The following DNAH10 variants were observed in gnomAD, a reference collection of about 807,000 sequenced individuals.
DNAH10 encodes axonemal beta dynein heavy chain 10.
DNAH10 carries 348 observed loss-of-function variants against 506.6 expected under a neutral mutation model. That is an observed-to-expected ratio of 0.69 (90% CI 0.63 to 0.75). The LOEUF is 0.75. DNAH10 is among the 30% of genes least tolerant of loss of function. The probability of loss-of-function intolerance (pLI) is 0.00; values close to 1 mark genes in which losing one functional copy is unlikely to be tolerated. For missense variants in DNAH10, 5,179 were observed against 5,787.1 expected, an observed-to-expected ratio of 0.89 and a Z score of 3.41; for synonymous variants, 2,059 against 2,198.6, an observed-to-expected ratio of 0.94 and a Z score of 1.78.
chr12:123,800,091 C>G (rs1958426452), intron 14 of DNAH10, 125 bp from the exon 15 acceptor site: 1 of 819,400 alleles, frequency 1.2e-6, no homozygotes. Context: ...CAGTTCCAGC[C>G]AGCACCCCCG....
Position 123,879,772 on chromosome 12 carries a change from G to A in DNAH10, c.8605G>A (p.Asp2869Asn). ...GEPRIYEDIQ[D>N]YEAAKALFQE... ...ACCACGCATTTATGAAGACATCCAG[G>A]ACTACGAGGCGGCCAAGGCTCTGTT... The change falls in exon 50 of 79, where the codon GAC becomes AAC. Residue 2869 changes from aspartate to asparagine, a missense_variant. Transcript: ENST00000673944. 1 of 1,614,020 alleles carries A rather than the reference G, an allele frequency of 6.2e-7. No homozygotes were observed. The highest frequency in any genetic ancestry group is 8.5e-7 in the Non-Finnish European group (1 of 1,179,888).
At position 123,868,107 on chromosome 12, in the gene DNAH10, G is replaced by T; in HGVS notation, c.7507G>T (p.Gly2503Trp). ...CACAGAAGGAGTTTGGGCCAACCCT[G>T]GGGAACTGCCAGGTGGGAACCGAGT... ...VDTEGVWANPGELPGQLPTLY... is the reference protein window; with the variant it reads ...VDTEGVWANPWELPGQLPTLY... The change falls in exon 43 of 79, where the codon GGG (glycine) becomes TGG (tryptophan). Residue 2503 changes from glycine to tryptophan, a missense_variant. Around this residue, in one of 3 missense-constraint regions of DNAH10, gnomAD observed 4,844 missense variants for 5,430.5 expected, o/e 0.89. Transcript: ENST00000673944. The T allele has an allele frequency of 6.2e-7, 1 of 1,612,894 alleles. No individual in the cohort carries two copies.
Position 123,926,544 on chromosome 12 carries a change from G to A in DNAH10, c.11922-93G>A, listed in dbSNP as rs1429610925. ...CCAGAGGAGTGGTCAGAAGGTTCTG[G>A]ACACCGGAGGAGGCAGCGCTGATCA... On this transcript the variant is annotated intron_variant, in intron 68 of 78. Transcript: ENST00000673944. This position sits in a 1 kb window ranked among gnomAD's most constrained non-coding sequence, Gnocchi z 4.1. The A allele has an allele frequency of 2.9e-6, 4 of 1,369,342 alleles. No homozygotes were observed. The highest frequency in any genetic ancestry group is 4.0e-6 in the Non-Finnish European group (4 of 1,008,592). 84.8% of individuals were successfully genotyped at this position (1,369,342 alleles called of 1,614,324 possible). A position where few individuals can be genotyped will look rare whatever the true frequency, so the allele number is the denominator to read the frequency against.
In DNAH10 at chr12:123,935,491, GA is replaced by G; in HGVS notation, c.*12del. 1 of 1,572,734 alleles carries G rather than the reference GA, an allele frequency of 6.4e-7. No homozygotes were observed. The highest frequency in any genetic ancestry group is 2.3e-5 in the East Asian group (1 of 43,888). Reference sequence around the variant, plus strand: ...CCTGAATTCTGATTAACCTTTGGGTGAAGAAAACTGCTTAATGAATTCGGAG... The same window carrying G: ...CCTGAATTCTGATTAACCTTTGGGTGAGAAAACTGCTTAATGAATTCGGAG... On this transcript the variant is annotated 3_prime_UTR_variant, in exon 79 of 79. Transcript: ENST00000673944.
At chr12:123,786,995 C>T (rs867046013) in intron 9 of DNAH10, among the ~76,000 whole-genome samples, 14 of 151,960 alleles carry the variant, frequency 9.2e-5, no homozygotes, top group African/African-American at 9.7e-5. Context: ...CAGAATTAGC[C>T]GGGTGTGGTG....
At position 123,783,995 on chromosome 12, in the gene DNAH10, A is replaced by G. The variant is rs1407596884; in HGVS notation, c.1048A>G (p.Thr350Ala). 1 of 1,614,212 alleles carries G rather than the reference A, an allele frequency of 6.2e-7. No individual in the cohort carries two copies. The highest frequency in any genetic ancestry group is 1.1e-5 in the South Asian group (1 of 91,088). ...TGAATTCTGGAGGGAAAGAAATGCAACCTTAAGTGCGCTGCATGAACAAAC... is the reference window on the plus strand; with the variant it reads ...TGAATTCTGGAGGGAAAGAAATGCAGCCTTAAGTGCGCTGCATGAACAAAC... ...EIEFWRERNA[T>A]LSALHEQTKL... The change falls in exon 8 of 79, where the codon ACC becomes GCC. Residue 350 changes from threonine (T) to alanine (A), a missense_variant. Physicochemically the swap from Thr to Ala is moderately conservative, Grantham distance 58 (BLOSUM62 0). This residue lies in a region of DNAH10 where 4,844 missense variants were observed against 5,430.5 expected (regional missense o/e 0.89). Transcript: ENST00000673944.
Position 123,909,899 on chromosome 12 carries a change from C to T in DNAH10, c.9997+457C>T, listed in dbSNP as rs1172150105. 6.6e-6 allele frequency among the ~76,000 whole-genome samples: 1 copy of T among 152,132 alleles called. No homozygotes were observed. Among genetic ancestry groups the T allele is most frequent in the Non-Finnish European group, 1.5e-5 (1 of 68,022 alleles). ...TGGGGGTGGGCAGCATCACTGATGG[C>T]CAGCCTCTCCTCCATCTTTGGTTAT... On this transcript the variant is annotated intron_variant, in intron 58 of 78. Coordinates refer to ENST00000673944, the MANE Select transcript of DNAH10 (RefSeq NM_001372106.1). This position sits in a 1 kb window ranked among gnomAD's most constrained non-coding sequence, Gnocchi z 5.4.
chr12:123,861,271 G>C, intron 39 of DNAH10, 101 bp downstream of exon 39: 1 of 1,397,708 alleles, frequency 7.2e-7, no homozygotes, highest in Non-Finnish European at 9.6e-7. Flanking sequence ...TTCATGCTTG[G>C]ATTTCAACAG....
intron 25 of DNAH10, 106 bp from the exon 26 acceptor site, chr12:123,830,440 A>G: frequency 7.9e-7 from 1 of 1,270,820 alleles, no homozygotes; most frequent in Non-Finnish European, 1.1e-6. Flanking sequence ...GAATTTCATT[A>G]TAAGAAGTTT....
intron 54 of DNAH10, among the ~76,000 whole-genome samples, chr12:123,896,610 G>A (rs1479524393): frequency 6.6e-6 from 1 of 151,674 alleles, no homozygotes; most frequent in Non-Finnish European, 1.5e-5. Context: ...CGTGGTGATC[G>A]CTTCTGAAAA....
Position 123,917,475 on chromosome 12 carries a change from TG to T in DNAH10, c.11003-107del. 1 of 1,139,358 alleles carries T rather than the reference TG, an allele frequency of 8.8e-7. No individual in the cohort carries two copies. Among genetic ancestry groups the T allele is most frequent in the Non-Finnish European group, 1.2e-6 (1 of 804,882 alleles). The allele number at this position is 1,139,358 out of a possible 1,614,324, so 70.6% of individuals were successfully genotyped here. ...GGTGGGCAGTGAATCCTCGTGCCTC[TG>T]GCCTGCTGGCTGAGACCCGCGCTAA... is the stretch of plus-strand genomic sequence containing the variant. On this transcript the variant is annotated intron_variant, in intron 63 of 78. Transcript: ENST00000673944. The surrounding 1 kb of genome is among the most constrained non-coding windows in gnomAD (Gnocchi z 5.6).
At chr12:123,881,350 G>A (rs942837058) in intron 50 of DNAH10, among the ~76,000 whole-genome samples, 2 of 152,146 alleles carry the variant, frequency 1.3e-5, no homozygotes, top group Non-Finnish European at 1.5e-5. Flanking sequence ...ATTCTAAGTG[G>A]TGTGAGATGG....
intron 41 of DNAH10, 50 bp from the exon 42 acceptor site, chr12:123,867,417 A>AT: frequency 6.4e-7 from 1 of 1,571,614 alleles, no homozygotes; most frequent in Non-Finnish European, 8.6e-7. Flanking sequence ...ACTAACTTCC[A>AT]TTTAAATAAA....
At position 123,929,395 on chromosome 12, in the gene DNAH10, G is replaced by A. The variant is rs1268151325; in HGVS notation, c.12427G>A (p.Ala4143Thr). 1.1e-5 allele frequency: 18 copies of A among 1,613,536 alleles called. No homozygotes were observed. The highest frequency in any genetic ancestry group is 1.3e-5 in the African/African-American group (1 of 75,042). Residue 4143 changes from alanine (A) to threonine (T), a missense_variant, in exon 71 of 79, where the codon GCG becomes ACG. By Grantham distance (58) the Ala-to-Thr change is moderately conservative. Around this residue, in one of 3 missense-constraint regions of DNAH10, gnomAD observed 4,844 missense variants for 5,430.5 expected, o/e 0.89. Coordinates refer to ENST00000673944, the MANE Select transcript of DNAH10 (RefSeq NM_001372106.1). ...CTTCAAGCCGCTGGTCTACGTGCTGGCGTTCTTTCATGCTGTGGTGCAGGA... is the reference window on the plus strand; with the variant it reads ...CTTCAAGCCGCTGGTCTACGTGCTGACGTTCTTTCATGCTGTGGTGCAGGA... ...PAFKPLVYVL[A>T]FFHAVVQERR...
chr12:123,912,958 G>A, intron 59 of DNAH10, 140 bp from the exon 60 acceptor site: 1 of 771,834 alleles, frequency 1.3e-6, no homozygotes, highest in Non-Finnish European at 2.1e-6. Flanking sequence ...GAAGCCACGT[G>A]TCTCAACATA....
At position 123,924,266 on chromosome 12, in the gene DNAH10, T is replaced by C. The variant is rs749168916; in HGVS notation, c.11612-12T>C. On this transcript the variant is annotated splice_polypyrimidine_tract_variant and intron_variant, in intron 66 of 78. Transcript: ENST00000673944. Reference sequence around the variant, plus strand: ...GTACAATGGCTGCTTGCTTCTCTTCTGTTGTGATTAGGAAACATTTCCCTG... The same window carrying C: ...GTACAATGGCTGCTTGCTTCTCTTCCGTTGTGATTAGGAAACATTTCCCTG... 1 of 1,601,976 alleles carries C rather than the reference T, an allele frequency of 6.2e-7. No individual in the cohort carries two copies. The highest frequency in any genetic ancestry group is 8.5e-7 in the Non-Finnish European group (1 of 1,171,470).
chr12:123,927,004 ATGT>A (rs1791871716), intron 69 of DNAH10, 184 bp downstream of exon 69: 1 of 669,730 alleles, frequency 1.5e-6, no homozygotes, highest in East Asian at 2.8e-5. Flanking sequence ...TCACAACCTC[ATGT>A]TGTGATCATG....
intron 36 of DNAH10, among the ~76,000 whole-genome samples, chr12:123,854,419 G>T (rs1951310447): frequency 6.6e-6 from 1 of 152,124 alleles, no homozygotes; most frequent in Admixed American, 6.5e-5. Context: ...TCCTCCTAGG[G>T]CGGTGAATAT....
Position 123,793,940 on chromosome 12 carries a change from AG to A in DNAH10, c.1816del, listed in dbSNP as rs1958181574. ...AGGGTTGTTTTGTTGATTTTTTTGC[AG>A]GTTATTGAGAAAGAAGCAAAACATT... On this transcript the variant is annotated splice_acceptor_variant, in intron 11 of 78. Coordinates refer to ENST00000673944, the MANE Select transcript of DNAH10 (RefSeq NM_001372106.1). LOFTEE classifies it high-confidence loss of function. 8.3e-7 allele frequency: 1 copy of A among 1,197,890 alleles called. No individual in the cohort carries two copies. 74.2% of individuals were successfully genotyped at this position (1,197,890 alleles called of 1,614,324 possible).
Sources: allele counts gnomAD v4.1 joint callset (sites outside exome capture counted in the v4.1 genomes callset), GRCh38; gene constraint gnomAD v4.1.1; regional missense constraint gnomAD v4.1.1; non-coding constraint Gnocchi (gnomAD v3.1); transcripts MANE v1.5; gene names NCBI Gene and HGNC (gene_info 2026-07-23, HGNC 2026-07-21).